The following ZIC4 variants were observed in gnomAD, a reference collection of about 807,000 sequenced individuals.
ZIC4 encodes the protein zinc finger protein ZIC 4.
In ZIC4, 15 loss-of-function variants were observed where a neutral mutation model predicts 28.8. The observed-to-expected ratio is 0.52, with a 90% CI of 0.35 to 0.80. ZIC4 has a LOEUF of 0.80. ZIC4 is among the 30% of genes least tolerant of loss of function. ZIC4 has a pLI of 0.01. For missense variants in ZIC4, 512 were observed against 467.1 expected (o/e 1.10, Z -0.89); for synonymous variants, 220 against 198.1 (o/e 1.11, Z -0.93).
At chr3:147,404,762 A>G (rs2107986549) in intron 1 of ZIC4, among the ~76,000 whole-genome samples, 1 of 152,326 alleles carries the variant, frequency 6.6e-6, no homozygotes, top group African/African-American at 2.4e-5. Context: ...GGGTAGGTGC[A>G]AAAAGCACCA....
Position 147,387,728 on chromosome 3 carries a change from GAAAC to G in ZIC4, c.*1127_*1130del, listed in dbSNP as rs982115401. On this transcript the variant is annotated 3_prime_UTR_variant, in exon 5 of 5. Coordinates refer to ENST00000383075, the MANE Select transcript of ZIC4 (RefSeq NM_032153.6). ...GGTACCACACACCCTGCCTTAGAAA[GAAAC>G]AAGTTTCAGGGGCCGCAAGAGACTT... The G allele has an allele frequency of 6.6e-6, 1 of 152,630 alleles. No individual in the cohort carries two copies. The highest frequency in any genetic ancestry group is 6.5e-5 in the Admixed American group (1 of 15,274). 9.5% of individuals were successfully genotyped at this position (152,630 alleles called of 1,614,324 possible). A position where few individuals can be genotyped will look rare whatever the true frequency, so the allele number is the denominator to read the frequency against.
intron 4 of ZIC4, chr3:147,389,503 AG>A (rs933275373): frequency 1.3e-5 from 2 of 152,126 alleles, no homozygotes; most frequent in Non-Finnish European, 2.9e-5. Flanking sequence ...AGTCTGCCAA[AG>A]CTTTATTATT....
rs934738245 is a variant in ZIC4 at position 147,396,982 on chromosome 3, C to A, written c.71-513G>T. Reference sequence around the variant, plus strand: ...GAGGGCGGCCGGCTGCTTGCCGACCCACGCTCCCCGGAGCTCCCTGTACCG... The same window carrying A: ...GAGGGCGGCCGGCTGCTTGCCGACCAACGCTCCCCGGAGCTCCCTGTACCG... On this transcript the variant is annotated intron_variant, in intron 2 of 4. Transcript: ENST00000383075. This position sits in a 1 kb window ranked among gnomAD's most constrained non-coding sequence, Gnocchi z 4.2. 6.5e-6 allele frequency: 1 copy of A among 152,682 alleles called. No homozygotes were observed. Among genetic ancestry groups the A allele is most frequent in the Non-Finnish European group, 1.5e-5 (1 of 68,442 alleles). The allele number at this position is 152,682 out of a possible 1,614,324, so 9.5% of individuals were successfully genotyped here. A position where few individuals can be genotyped will look rare whatever the true frequency, so the allele number is the denominator to read the frequency against.
Position 147,386,224 on chromosome 3 carries a change from T to G in ZIC4, c.*2635A>C, listed in dbSNP as rs1452841535. 1 of 152,224 alleles carries G rather than the reference T, an allele frequency of 6.6e-6. No individual in the cohort carries two copies. Among genetic ancestry groups the G allele is most frequent in the Non-Finnish European group, 1.5e-5 (1 of 68,038 alleles). The allele number at this position is 152,224 out of a possible 1,614,324, so 9.4% of individuals were successfully genotyped here. A position where few individuals can be genotyped will look rare whatever the true frequency, so the allele number is the denominator to read the frequency against. On this transcript the variant is annotated 3_prime_UTR_variant, in exon 5 of 5. Coordinates refer to ENST00000383075, the MANE Select transcript of ZIC4 (RefSeq NM_032153.6). The stretch of plus-strand genomic sequence containing the variant: ...CTTTGTTGTTCATTCAACAATCACT[T>G]TCAGTCAAACAACTTTTATTTTCAA...
At chr3:147,404,693 G>A (rs1272574440) in intron 1 of ZIC4, among the ~76,000 whole-genome samples, 1 of 152,208 alleles carries the variant, frequency 6.6e-6, no homozygotes. Flanking sequence ...AAGAGGAACG[G>A]GTGCCAGGGA....
At position 147,404,247 on chromosome 3, in the gene ZIC4, GC is replaced by G. The variant is rs200635732; in HGVS notation, c.-15-1436del. ...GAGATCCCTGTCCACCCATAAGGCA[GC>G]CCCAACCCAACTTCTAAGAGGTCTG... On this transcript the variant is annotated intron_variant, in intron 1 of 4. Coordinates refer to ENST00000383075, the MANE Select transcript of ZIC4 (RefSeq NM_032153.6). 321 of 1,438,806 alleles carry G rather than the reference GC, an allele frequency of 2.2e-4. No homozygotes were observed. In the East Asian group the frequency reaches 3.9e-3, roughly 17 times the overall value. The allele number at this position is 1,438,806 out of a possible 1,614,324, so 89.1% of individuals were successfully genotyped here.
Position 147,395,401 on chromosome 3 carries a change from G to A in ZIC4, c.688+451C>T, listed in dbSNP as rs77463913. 4.5e-3 allele frequency among the ~76,000 whole-genome samples: 686 copies of A among 152,262 alleles called. 23 individuals carry two copies. The East Asian group carries it at 0.076, about 17-fold the overall frequency. ...CATTCGACCCCCAACTCCTAAAGAAGGCTCCAGGGCCTGGTAACCTCTCAG... is the reference window on the plus strand; with the variant it reads ...CATTCGACCCCCAACTCCTAAAGAAAGCTCCAGGGCCTGGTAACCTCTCAG... On this transcript the variant is annotated intron_variant, in intron 3 of 4. Transcript: ENST00000383075.
At chr3:147,395,130 C>T (rs1398193306) in intron 3 of ZIC4, among the ~76,000 whole-genome samples, 1 of 152,152 alleles carries the variant, frequency 6.6e-6, no homozygotes, top group African/African-American at 2.4e-5. Flanking sequence ...AAAACTTTCT[C>T]CTTGCAGTTG....
intron 2 of ZIC4, among the ~76,000 whole-genome samples, chr3:147,399,868 G>A (rs1348807809): frequency 6.6e-6 from 1 of 152,062 alleles, no homozygotes; most frequent in East Asian, 1.9e-4. Context: ...GTTTCACCAT[G>A]TTAGCCAGGC....
chr3:147,396,746 G>A lies in ZIC4; in HGVS notation c.71-277C>T, dbSNP rs1376897488. ...AGAGTAGATGTAAGGGGTAATGGAA[G>A]GCGCAGGGCTGAGTCTGTGGGTTGC... On this transcript the variant is annotated intron_variant, in intron 2 of 4. Transcript: ENST00000383075. The surrounding 1 kb of genome is among the most constrained non-coding windows in gnomAD (Gnocchi z 4.2). The A allele has an allele frequency of 2.1e-5, 8 of 376,440 alleles. No homozygotes were observed. The highest frequency in any genetic ancestry group is 1.3e-4 in the African/African-American group (6 of 47,950). The allele number at this position is 376,440 out of a possible 1,614,324, so 23.3% of individuals were successfully genotyped here. A position where few individuals can be genotyped will look rare whatever the true frequency, so the allele number is the denominator to read the frequency against.
At chr3:147,402,646 A>G in intron 2 of ZIC4, 82 bp downstream of exon 2, 1 of 1,327,630 alleles carries the variant, frequency 7.5e-7, no homozygotes, top group Non-Finnish European at 1.0e-6. Flanking sequence ...GACAAAACAA[A>G]ACTTCCTACT....
intron 3 of ZIC4, among the ~76,000 whole-genome samples, chr3:147,393,205 A>G (rs950584594): frequency 2.6e-4 from 40 of 151,952 alleles, no homozygotes; most frequent in African/African-American, 8.9e-4. Flanking sequence ...CATTCACGTA[A>G]AACAAAAACA....
chr3:147,389,897 G>C (rs898588689), intron 4 of ZIC4, among the ~76,000 whole-genome samples: 2 of 149,516 alleles, frequency 1.3e-5, no homozygotes, highest in Non-Finnish European at 3.0e-5. Flanking sequence ...TAGAGGCTTC[G>C]ACTCAGTGAC....
intron 3 of ZIC4, among the ~76,000 whole-genome samples, chr3:147,395,543 T>C (rs1351393917): frequency 2.0e-5 from 3 of 152,182 alleles, no homozygotes; most frequent in South Asian, 2.1e-4. Context: ...TGGGGAACAA[T>C]GCTGTTTTAA....
At chr3:147,393,401 C>G (rs1444006670) in intron 3 of ZIC4, 6 of 153,424 alleles carry the variant, frequency 3.9e-5, no homozygotes, top group Admixed American at 3.9e-4. Flanking sequence ...CACCCGGCCT[C>G]CAGTCCTTCC....
At position 147,386,341 on chromosome 3, in the gene ZIC4, C is replaced by T. The variant is rs2086797425; in HGVS notation, c.*2518G>A. ...GGTACAAATAGTCTAAAGATTTCAG[C>T]CAGGCTTTTGTGTATATGTGAATTA... is the stretch of plus-strand genomic sequence containing the variant. On this transcript the variant is annotated 3_prime_UTR_variant, in exon 5 of 5. Coordinates refer to ENST00000383075, the MANE Select transcript of ZIC4 (RefSeq NM_032153.6). 1.3e-5 allele frequency: 2 copies of T among 152,554 alleles called. No individual in the cohort carries two copies. Among genetic ancestry groups the T allele is most frequent in the Admixed American group, 1.3e-4 (2 of 15,282 alleles). The allele number at this position is 152,554 out of a possible 1,614,324, so 9.5% of individuals were successfully genotyped here. A position where few individuals can be genotyped will look rare whatever the true frequency, so the allele number is the denominator to read the frequency against.
At position 147,395,886 on chromosome 3, in the gene ZIC4, T is replaced by C. The variant is rs1354831673; in HGVS notation, c.654A>G (p.Ser218=). 1 of 1,613,812 alleles carries C rather than the reference T, an allele frequency of 6.2e-7. No homozygotes were observed. The highest frequency in any genetic ancestry group is 8.5e-7 in the Non-Finnish European group (1 of 1,179,840). ...FPGCGKVFAR[S]ENLKIHKRTH... is the part of the protein sequence containing the mutation. ...TTCGTTTGTGTATTTTGAGATTTTC[T>C]GATCTAGCAAAGACCTTCCCACACC... The change falls in exon 3 of 5, where the codon TCA becomes TCG. Residue 218 remains serine, a synonymous_variant. Transcript: ENST00000383075.
chr3:147,403,796 T>C (rs998551781), intron 1 of ZIC4: 3 of 668,018 alleles, frequency 4.5e-6, no homozygotes, highest in Non-Finnish European at 7.0e-6. Flanking sequence ...CAAATCCAAG[T>C]GGGACTCTGT....
At chr3:147,393,801 G>A (rs1412788537) in intron 3 of ZIC4, 4 of 447,328 alleles carry the variant, frequency 8.9e-6, no homozygotes, top group African/African-American at 8.0e-5. Flanking sequence ...GAGAGGAGCT[G>A]GGTGGCGGTG....
Sources: gnomAD v4.1 joint callset for allele counts (sites outside exome capture counted in the v4.1 genomes callset) on GRCh38, gnomAD v4.1.1 for gene constraint, Gnocchi (gnomAD v3.1) non-coding constraint, MANE v1.5 for transcripts, NCBI Gene and HGNC (gene_info 2026-07-23, HGNC 2026-07-21) for gene names.